TMPRSS15: variants seen among roughly 807,000 people sequenced by gnomAD.
TMPRSS15 encodes the protein transmembrane serine protease 15.
In TMPRSS15, 128 loss-of-function variants were observed where a neutral mutation model predicts 125.3. The observed-to-expected ratio is 1.02, with a 90% CI of 0.89 to 1.18. TMPRSS15 has a LOEUF of 1.18. Among genes scored for constraint, TMPRSS15 ranks in the 50% most tolerant of loss-of-function variants. The probability of loss-of-function intolerance (pLI) is 0.00; values close to 1 mark genes in which losing one functional copy is unlikely to be tolerated. For missense variants in TMPRSS15, 1,283 were observed against 1,212.7 expected (o/e 1.06, Z -0.86); for synonymous variants, 446 against 423.2 (o/e 1.05, Z -0.66).
chr21:18,397,971 G>A, intron 2 of TMPRSS15, 25 bp from the exon 3 acceptor site: 1 of 1,360,238 alleles, frequency 7.4e-7, no homozygotes, highest in Non-Finnish European at 1.0e-6. Flanking sequence ...AAGATTGAAT[G>A]AGTATACTAA....
chr21:18,269,156 G>A lies in TMPRSS15; in HGVS notation c.*813C>T, dbSNP rs2074522191. ...TATTACACATATTTGACCTTCTCATGGGTGATTCAGCTGTGTCTAAATAAG... is the reference window on the plus strand; with the variant it reads ...TATTACACATATTTGACCTTCTCATAGGTGATTCAGCTGTGTCTAAATAAG... On this transcript the variant is annotated 3_prime_UTR_variant, in exon 25 of 25. Coordinates refer to ENST00000284885, the MANE Select transcript of TMPRSS15 (RefSeq NM_002772.3). 1 of 152,142 alleles carries A rather than the reference G, an allele frequency of 6.6e-6. No individual in the cohort carries two copies. The highest frequency in any genetic ancestry group is 2.1e-4 in the South Asian group (1 of 4,826). 9.4% of individuals were successfully genotyped at this position (152,142 alleles called of 1,614,324 possible).
intron 6 of TMPRSS15, among the ~76,000 whole-genome samples, chr21:18,371,435 C>T (rs895617795): frequency 3.2e-4 from 49 of 152,114 alleles, no homozygotes; most frequent in African/African-American, 1.1e-3. Flanking sequence ...TTCTAGTAAA[C>T]TTTTCTAAGT....
At chr21:18,406,888 T>C (rs1372520048), upstream of TMPRSS15, among the ~76,000 whole-genome samples, 1 of 152,126 alleles carries the variant, frequency 6.6e-6, no homozygotes, top group Non-Finnish European at 1.5e-5. Context: ...ACTTAAGTGT[T>C]CATCAATAGG....
intron 18 of TMPRSS15, among the ~76,000 whole-genome samples, chr21:18,310,188 T>G (rs1011913973): frequency 1.3e-5 from 2 of 152,094 alleles, no homozygotes; most frequent in African/African-American, 4.8e-5. Context: ...TCTTATTCAG[T>G]ATAACACTGA....
At chr21:18,295,642 A>T (rs1219568299) in intron 19 of TMPRSS15, among the ~76,000 whole-genome samples, 1 of 152,380 alleles carries the variant, frequency 6.6e-6, no homozygotes, top group East Asian at 1.9e-4. Context: ...ATGTATACGT[A>T]TTGAATGACT....
At chr21:18,331,000 G>GA (rs1312438640) in intron 14 of TMPRSS15, among the ~76,000 whole-genome samples, 2 of 151,140 alleles carry the variant, frequency 1.3e-5, no homozygotes, top group Non-Finnish European at 2.9e-5. Context: ...GTGAACCCGG[G>GA]AGGCGGAGCT....
chr21:18,381,606 C>T lies in TMPRSS15; in HGVS notation c.496+2021G>A, dbSNP rs767306091. On this transcript the variant is annotated intron_variant, in intron 4 of 24. Coordinates refer to ENST00000284885, the MANE Select transcript of TMPRSS15 (RefSeq NM_002772.3). ...GCTGATGTTGTAAAACAGTTTATTA[C>T]ATTTGTGATACTAATTCTAAATTAA... 2.5e-3 allele frequency among the ~76,000 whole-genome samples: 388 copies of T among 152,222 alleles called. 3 individuals are homozygous for T. Among genetic ancestry groups the T allele is most frequent in the Non-Finnish European group, 4.3e-3 (292 of 68,002 alleles).
intron 17 of TMPRSS15, among the ~76,000 whole-genome samples, chr21:18,313,288 ATTT>A (rs1256758610): frequency 6.6e-6 from 1 of 152,046 alleles, no homozygotes; most frequent in Non-Finnish European, 1.5e-5. Flanking sequence ...GAAATATGGT[ATTT>A]AAGGTGATGG....
chr21:18,408,880 G>C (rs925178020), intron 1 of TMPRSS15, among the ~76,000 whole-genome samples: 1 of 151,946 alleles, frequency 6.6e-6, no homozygotes, highest in African/African-American at 2.4e-5. Context: ...CTATTCTCTG[G>C]TACTGAATAT....
Position 18,353,859 on chromosome 21 carries a change from A to G in TMPRSS15, c.885T>C (p.Ser295=). ...TTGTGCCAGGATTAGTTTCCCAAAT[A>G]GAAGCTACAAAATAAAATAAACAAC... ...GVGSSKILRA[S]IWETNPGTIR... Residue 295 remains serine, a synonymous_variant, in exon 9 of 25, where the codon TCT becomes TCC. Coordinates refer to ENST00000284885, the MANE Select transcript of TMPRSS15 (RefSeq NM_002772.3). The G allele has an allele frequency of 6.2e-7, 1 of 1,610,710 alleles. No individual in the cohort carries two copies. Among genetic ancestry groups the G allele is most frequent in the South Asian group, 1.1e-5 (1 of 91,036 alleles).
At chr21:18,345,740 CAAAA>C (rs1235619873) in intron 10 of TMPRSS15, among the ~76,000 whole-genome samples, 648 of 15,558 alleles carry the variant, frequency 0.042, 32 homozygotes, top group African/African-American at 0.097. Flanking sequence ...GACTCCGTCT[CAAAA>C]AAAAAAAAAA....
At chr21:18,337,060 T>C (rs373701822) in intron 13 of TMPRSS15, among the ~76,000 whole-genome samples, 3 of 152,342 alleles carry the variant, frequency 2.0e-5, no homozygotes, top group East Asian at 3.9e-4. Flanking sequence ...TAACTTTTTT[T>C]TCTTTCTTTT....
chr21:18,398,166 T>A (rs781059382), intron 2 of TMPRSS15, 33 bp downstream of exon 2: 21 of 1,612,576 alleles, frequency 1.3e-5, no homozygotes, highest in Non-Finnish European at 1.7e-5. Flanking sequence ...TAAACTGTGT[T>A]ATAAAATTTG....
At chr21:18,353,468 G>A (rs1408564557) in intron 9 of TMPRSS15, among the ~76,000 whole-genome samples, 1 of 151,708 alleles carries the variant, frequency 6.6e-6, no homozygotes, top group Non-Finnish European at 1.5e-5. Flanking sequence ...TGCAATGCTT[G>A]CAGCAAATAA....
intron 19 of TMPRSS15, among the ~76,000 whole-genome samples, chr21:18,296,423 A>T (rs2074908522): frequency 6.6e-6 from 1 of 152,206 alleles, no homozygotes. Flanking sequence ...TAAGGAAGGG[A>T]TTAAGGACAT....
At chr21:18,270,200 A>T (rs969170534) in intron 24 of TMPRSS15, 76 bp from the exon 25 acceptor site, 1 of 1,257,638 alleles carries the variant, frequency 8.0e-7, no homozygotes. Context: ...TTTGTATCAA[A>T]TAAATTAAAA....
At chr21:18,410,429 T>A (rs2076163229) in intron 1 of TMPRSS15, among the ~76,000 whole-genome samples, 1 of 152,150 alleles carries the variant, frequency 6.6e-6, no homozygotes, top group South Asian at 2.1e-4. Flanking sequence ...CAGTCACTGA[T>A]CCCTAGGGTT....
At chr21:18,398,137 G>A (rs974869123) in intron 2 of TMPRSS15, 62 bp downstream of exon 2, 37 of 1,570,046 alleles carry the variant, frequency 2.4e-5, no homozygotes, top group Non-Finnish European at 3.0e-5. Context: ...GTGAGAAAAT[G>A]GTGTTTTCAG....
At chr21:18,302,440 T>C (rs2074983294) in intron 18 of TMPRSS15, among the ~76,000 whole-genome samples, 1 of 152,148 alleles carries the variant, frequency 6.6e-6, no homozygotes. Flanking sequence ...GCTGGACACA[T>C]TTCCACTACA....
Sources: allele counts gnomAD v4.1 joint callset (sites outside exome capture counted in the v4.1 genomes callset), GRCh38; gene constraint gnomAD v4.1.1; transcripts MANE v1.5; gene names NCBI Gene and HGNC (gene_info 2026-07-23, HGNC 2026-07-21).